Variants in TSNARE1 observed in about 807,000 individuals in gnomAD.
TSNARE1 encodes the protein t-SNARE domain-containing protein 1.
Under a neutral mutation model 62.0 loss-of-function variants are expected in TSNARE1, and 49 were observed. The ratio of observed to expected loss-of-function variants is 0.79; its 90% CI spans 0.63 to 1.00. TSNARE1 has a LOEUF of 1.00. TSNARE1 is among the 50% of genes least tolerant of loss of function. TSNARE1 has a pLI of 0.00. For missense variants in TSNARE1, 755 were observed against 700.1 expected, an observed-to-expected ratio of 1.08 and a Z score of -0.88; for synonymous variants, 328 against 294.4, an observed-to-expected ratio of 1.11 and a Z score of -1.17.
chr8:142,252,750 C>G (rs972816387), intron 12 of TSNARE1, among the ~76,000 whole-genome samples: 1 of 152,176 alleles, frequency 6.6e-6, no homozygotes, highest in African/African-American at 2.4e-5. Context: ...TTCTTGTGTG[C>G]AACAGTTTGG....
intron 12 of TSNARE1, chr8:142,270,159 G>T (rs1299429037): frequency 2.0e-6 from 2 of 985,326 alleles, no homozygotes; most frequent in East Asian, 2.3e-4. Flanking sequence ...CGGCTGCCTA[G>T]GCTGGGGGGC....
At chr8:142,270,082 C>A in intron 12 of TSNARE1, 1 of 985,444 alleles carries the variant, frequency 1.0e-6, no homozygotes, top group Non-Finnish European at 1.2e-6. Flanking sequence ...GCCATGGGAG[C>A]CAGGCAGAGG....
At chr8:142,223,111 CGT>C (rs1816523574) in intron 13 of TSNARE1, among the ~76,000 whole-genome samples, 1 of 35,606 alleles carries the variant, frequency 2.8e-5, no homozygotes, top group Non-Finnish European at 7.0e-5. Context: ...TTCACTCACT[CGT>C]TCACTCATTC....
At position 142,344,038 on chromosome 8, in the gene TSNARE1, C is replaced by A. The variant is rs1225384845; in HGVS notation, c.673G>T (p.Glu225Ter). Residue 225 changes from glutamate (E) to a stop codon, truncating the protein, a stop_gained, in exon 4 of 14, where the codon GAG becomes TAG. Coordinates refer to ENST00000524325, the MANE Select transcript of TSNARE1 (RefSeq NM_145003.5). LOFTEE classifies it high-confidence loss of function. ...GAGAAGGTCTTGGCCACCACCTGCT[C>A]CACGGGCGTGAGAGCCAGGGCCTGG... ...KPQALALTPVEQVVAKTFSCQ... is the reference protein window; with the variant it reads ...KPQALALTPV The A allele has an allele frequency of 6.3e-7, 1 of 1,583,910 alleles. No individual in the cohort carries two copies. The highest frequency in any genetic ancestry group is 8.6e-7 in the Non-Finnish European group (1 of 1,162,884).
At chr8:142,361,374 G>T (rs769409003) in intron 1 of TSNARE1, among the ~76,000 whole-genome samples, 6 of 152,236 alleles carry the variant, frequency 3.9e-5, no homozygotes, top group African/African-American at 1.4e-4. Context: ...TGGGCTGCAG[G>T]ACATGAGCGC....
chr8:142,313,905 T>G (rs747861333), intron 9 of TSNARE1, among the ~76,000 whole-genome samples: 2 of 152,114 alleles, frequency 1.3e-5, no homozygotes, highest in South Asian at 4.1e-4. Context: ...CAGCCTCCCA[T>G]GTAGCTGGGA....
chr8:142,365,709 C>A (rs765814169), intron 1 of TSNARE1, among the ~76,000 whole-genome samples: 12 of 152,086 alleles, frequency 7.9e-5, no homozygotes, highest in Non-Finnish European at 1.5e-5. Flanking sequence ...GCAAAATATA[C>A]ACAACAAGTT....
In TSNARE1 at chr8:142,218,017, G is replaced by A. The variant is rs116858531; in HGVS notation, c.*12-5704C>T. 7.4e-4 allele frequency among the ~76,000 whole-genome samples: 43 copies of A among 58,118 alleles called. 9 individuals carry two copies. The highest frequency in any genetic ancestry group is 1.4e-3 in the African/African-American group (15 of 11,048). 38.1% of individuals were successfully genotyped at this position (58,118 alleles called of 152,430 possible). On this transcript the variant is annotated intron_variant, in intron 13 of 13. Coordinates refer to ENST00000524325, the MANE Select transcript of TSNARE1 (RefSeq NM_145003.5). ...GAGCAGGATCAGGGCTCAGTGTGTG[G>A]CCAGGATCAGGGCCCAGTATGTGAC...
At position 142,291,181 on chromosome 8, in the gene TSNARE1, C is replaced by CAA. The variant is rs1823677564; in HGVS notation, c.1291-6697_1291-6696insTT. Among the ~76,000 whole-genome samples the CAA allele has an allele frequency of 6.6e-6, 1 of 151,978 alleles. No individual in the cohort carries two copies. Among genetic ancestry groups the CAA allele is most frequent in the South Asian group, 2.1e-4 (1 of 4,824 alleles). ...CTTTCCATGCCTGGCTCTGGACCTG[C>CAA]GGGTGGCCTTGGAGACAAATCCCAC... On this transcript the variant is annotated intron_variant, in intron 10 of 13. Coordinates refer to ENST00000524325, the MANE Select transcript of TSNARE1 (RefSeq NM_145003.5). This position sits in a 1 kb window ranked among gnomAD's most constrained non-coding sequence, Gnocchi z 4.8.
intron 10 of TSNARE1, among the ~76,000 whole-genome samples, chr8:142,290,509 C>T (rs1156468695): frequency 6.6e-6 from 1 of 152,198 alleles, no homozygotes; most frequent in Non-Finnish European, 1.5e-5. Context: ...TGTGTGTGTG[C>T]CTGTGTGTTC....
At chr8:142,275,335 AC>A (rs1433730325) in intron 11 of TSNARE1, 1 of 985,262 alleles carries the variant, frequency 1.0e-6, no homozygotes, top group Non-Finnish European at 1.2e-6. Flanking sequence ...TGCCACACGC[AC>A]TGGCCCTCGA....
At chr8:142,297,909 C>T (rs1000563438) in intron 10 of TSNARE1, among the ~76,000 whole-genome samples, 19 of 152,346 alleles carry the variant, frequency 1.2e-4, no homozygotes, top group African/African-American at 3.1e-4. Context: ...CGCCGCCCTC[C>T]GTCCCGCGCC....
intron 6 of TSNARE1, among the ~76,000 whole-genome samples, chr8:142,321,754 C>T (rs1271781388): frequency 6.6e-6 from 1 of 152,124 alleles, no homozygotes; most frequent in Non-Finnish European, 1.5e-5. Flanking sequence ...AAAACTGACT[C>T]AAAAAGAAAT....
chr8:142,398,220 G>T (rs1005042090), intron 1 of TSNARE1, among the ~76,000 whole-genome samples: 1 of 144,946 alleles, frequency 6.9e-6, no homozygotes, highest in African/African-American at 2.6e-5. Flanking sequence ...TGCCCAAAAC[G>T]CACCCCCAAA....
chr8:142,261,655 C>T (rs190132352), intron 12 of TSNARE1, among the ~76,000 whole-genome samples: 1 of 152,190 alleles, frequency 6.6e-6, no homozygotes, highest in Non-Finnish European at 1.5e-5. Context: ...CTCATCCTGG[C>T]CACGGCCCCG....
intron 1 of TSNARE1, among the ~76,000 whole-genome samples, chr8:142,358,458 G>A (rs1483303522): frequency 6.6e-6 from 1 of 151,240 alleles, no homozygotes; most frequent in Admixed American, 6.6e-5. Flanking sequence ...TGGGGGGACT[G>A]GAAGGCTGCC....
chr8:142,275,724 T>C, intron 11 of TSNARE1: 1 of 985,078 alleles, frequency 1.0e-6, no homozygotes, highest in Non-Finnish European at 1.2e-6. Context: ...GAGGCAGGAG[T>C]ATCTAAACAA....
At chr8:142,278,542 G>A in intron 11 of TSNARE1, 1 of 985,474 alleles carries the variant, frequency 1.0e-6, no homozygotes, top group South Asian at 4.7e-5. Flanking sequence ...GGAGCTCCTG[G>A]CACGGTGTCT....
chr8:142,355,132 G>C (rs1177454851), intron 1 of TSNARE1, among the ~76,000 whole-genome samples: 1 of 152,232 alleles, frequency 6.6e-6, no homozygotes, highest in Non-Finnish European at 1.5e-5. Context: ...CCGCCATGCA[G>C]GCAGGGCAGC....
Sources: allele counts gnomAD v4.1 joint callset (sites outside exome capture counted in the v4.1 genomes callset), GRCh38; gene constraint gnomAD v4.1.1; non-coding constraint Gnocchi (gnomAD v3.1); transcripts MANE v1.5; gene names NCBI Gene and HGNC (gene_info 2026-07-23, HGNC 2026-07-21).